The following HSPG2 variants were observed in gnomAD, a reference collection of about 807,000 sequenced individuals.
HSPG2 encodes basement membrane-specific heparan sulfate proteoglycan core protein.
HSPG2 carries 278 observed loss-of-function variants against 526.6 expected under a neutral mutation model. That is an observed-to-expected ratio of 0.53 (90% CI 0.48 to 0.58). The LOEUF (loss-of-function observed/expected upper bound fraction) is 0.58, where lower values mean the gene tolerates loss of function less well. Among genes scored for constraint, HSPG2 ranks in the 20% least tolerant of loss-of-function variants. The pLI is 0.00. For missense variants in HSPG2, 5,354 were observed against 6,099.5 expected (o/e 0.88, Z 4.07); for synonymous variants, 2,465 against 2,555.4 (o/e 0.96, Z 1.07).
In HSPG2 at chr1:21,859,528, G is replaced by C; in HGVS notation, c.5293+38C>G. On this transcript the variant is annotated intron_variant, in intron 42 of 96. Transcript: ENST00000374695. The surrounding 1 kb of genome is among the most constrained non-coding windows in gnomAD (Gnocchi z 5.3). ...ATCTGCAGCCTGCAGCCCAGCCCAG[G>C]ACAGGCAGTCTTGGTTACAGGGGGC... 1 of 1,471,024 alleles carries C rather than the reference G, an allele frequency of 6.8e-7. No homozygotes were observed. The highest frequency in any genetic ancestry group is 9.3e-7 in the Non-Finnish European group (1 of 1,071,408). 91.1% of individuals were successfully genotyped at this position (1,471,024 alleles called of 1,614,324 possible). A position where few individuals can be genotyped will look rare whatever the true frequency, so the allele number is the denominator to read the frequency against.
Position 21,902,294 on chromosome 1 carries a change from A to G in HSPG2, c.64-5984T>C, listed in dbSNP as rs562459195. 3.9e-5 allele frequency among the ~76,000 whole-genome samples: 6 copies of G among 152,258 alleles called. No individual in the cohort carries two copies. The East Asian group carries it at 1.2e-3, about 29-fold the overall frequency. The stretch of plus-strand genomic sequence containing the variant: ...CTCGGGAGGCCTGCCAGCTTCTCAC[A>G]CAGGGGCCCCCAAGGTGGCAGGAAC... On this transcript the variant is annotated intron_variant, in intron 1 of 96. Coordinates refer to ENST00000374695, the MANE Select transcript of HSPG2 (RefSeq NM_005529.7).
intron 1 of HSPG2, among the ~76,000 whole-genome samples, chr1:21,931,640 C>G (rs1035328870): frequency 1.3e-5 from 2 of 152,172 alleles, no homozygotes; most frequent in African/African-American, 4.8e-5. Flanking sequence ...GGGCTGGGAA[C>G]CCTTCCCATA....
chr1:21,907,092 G>A (rs1304568658), intron 1 of HSPG2, among the ~76,000 whole-genome samples: 2 of 152,124 alleles, frequency 1.3e-5, no homozygotes, highest in Admixed American at 6.5e-5. Context: ...TTCCCTCCCT[G>A]GCCATCAGTC....
chr1:21,884,200 G>T (rs978754765), intron 13 of HSPG2, among the ~76,000 whole-genome samples: 2 of 152,152 alleles, frequency 1.3e-5, no homozygotes, highest in African/African-American at 2.4e-5. Flanking sequence ...CGACTTTACA[G>T]ATGACGAAAC....
In HSPG2 at chr1:21,878,852, C is replaced by T. The variant is rs1572338240; in HGVS notation, c.2471+142G>A. The T allele has an allele frequency of 1.2e-5, 15 of 1,251,780 alleles. No individual in the cohort carries two copies. The East Asian group carries it at 3.5e-4, about 30-fold the overall frequency. The allele number at this position is 1,251,780 out of a possible 1,614,324, so 77.5% of individuals were successfully genotyped here. ...ATTATACAGAAAAGGAAACAGAGGCCTAGAGAGGTCCAGGAGCATGGGATA... is the reference window on the plus strand; with the variant it reads ...ATTATACAGAAAAGGAAACAGAGGCTTAGAGAGGTCCAGGAGCATGGGATA... On this transcript the variant is annotated intron_variant, in intron 18 of 96. Transcript: ENST00000374695.
intron 1 of HSPG2, among the ~76,000 whole-genome samples, chr1:21,923,041 ATT>A (rs71698642): frequency 0.56 from 84,971 of 151,782 alleles, 24,308 homozygotes; most frequent in Middle Eastern, 0.69. Flanking sequence ...TGCGCCCTTC[ATT>A]TAACCCACTC....
intron 1 of HSPG2, among the ~76,000 whole-genome samples, chr1:21,920,087 A>G (rs971435370): frequency 2.0e-5 from 3 of 152,152 alleles, no homozygotes; most frequent in African/African-American, 7.2e-5. Flanking sequence ...TCATATTTTT[A>G]GCAGAGATGA....
rs1639560671 is a variant in HSPG2, at chr1:21,859,010, T to A, written c.5293+556A>T. On this transcript the variant is annotated intron_variant, in intron 42 of 96. Transcript: ENST00000374695. This position sits in a 1 kb window ranked among gnomAD's most constrained non-coding sequence, Gnocchi z 5.3. ...ACGCCCTCCCATCCCTGTCTCACTT[T>A]TCCCTGGACGACAGGGCAGGGTGAC... is the stretch of plus-strand genomic sequence containing the variant. Among the ~76,000 whole-genome samples the A allele has an allele frequency of 6.6e-6, 1 of 151,904 alleles. No individual in the cohort carries two copies. Among genetic ancestry groups the A allele is most frequent in the Non-Finnish European group, 1.5e-5 (1 of 67,914 alleles).
chr1:21,913,257 G>A (rs2152789866), intron 1 of HSPG2, among the ~76,000 whole-genome samples: 1 of 152,240 alleles, frequency 6.6e-6, no homozygotes, highest in East Asian at 1.9e-4. Context: ...GCTAATCAGG[G>A]CCAGAGCCCT....
rs576017127 is a variant in HSPG2 at position 21,887,518 on chromosome 1, G to C, written c.860C>G (p.Pro287Arg). Reference protein sequence around the residue: ...PGSVRPLPCGPQEAACRNGHC... With the variant: ...PGSVRPLPCGRQEAACRNGHC... ...CCCATTGCGGCATGCGGCCTCCTGG[G>C]GCCCACAGGGCAGGGGCCTGACGGA... The change falls in exon 8 of 97, where the codon CCC becomes CGC. Residue 287 changes from proline (P) to arginine (R), a missense_variant. Coordinates refer to ENST00000374695, the MANE Select transcript of HSPG2 (RefSeq NM_005529.7). This position sits in a 1 kb window ranked among gnomAD's most constrained non-coding sequence, Gnocchi z 5.0. 1 of 1,614,038 alleles carries C rather than the reference G, an allele frequency of 6.2e-7. No individual in the cohort carries two copies. The highest frequency in any genetic ancestry group is 1.1e-5 in the South Asian group (1 of 91,072).
rs762088109 is a variant in HSPG2 at position 21,865,762 on chromosome 1, T to C, written c.4269A>G (p.Ala1423=). Residue 1423 remains alanine, a synonymous_variant, in exon 34 of 97, where the codon GCA becomes GCG. Coordinates refer to ENST00000374695, the MANE Select transcript of HSPG2 (RefSeq NM_005529.7). The surrounding 1 kb of genome is among the most constrained non-coding windows in gnomAD (Gnocchi z 5.4). ...CAGAGAGTGGGCTGCCCTGTGGGCC[T>C]GCTGTGTAGGAGAGGGTGTATCGCA... ...GKLRYTLSYT[A]GPQGSPLSDP... is the part of the protein sequence containing the mutation. 1 of 1,613,912 alleles carries C rather than the reference T, an allele frequency of 6.2e-7. No individual in the cohort carries two copies. Among genetic ancestry groups the C allele is most frequent in the Admixed American group, 1.7e-5 (1 of 60,010 alleles).
chr1:21,867,334 C>T (rs1421076318), intron 33 of HSPG2, among the ~76,000 whole-genome samples: 1 of 152,076 alleles, frequency 6.6e-6, no homozygotes, highest in Non-Finnish European at 1.5e-5. Context: ...ATTTTTCAGC[C>T]TCAGTCTCCC....
At position 21,850,043 on chromosome 1, in the gene HSPG2, G is replaced by C. The variant is rs140049357; in HGVS notation, c.7444C>G (p.Gln2482Glu). 90 of 1,613,058 alleles carry C rather than the reference G, an allele frequency of 5.6e-5. No individual in the cohort carries two copies. In the African/African-American group the frequency reaches 1.0e-3, roughly 18 times the overall value. Residue 2482 changes from glutamine to glutamate, a missense_variant and splice_region_variant, in exon 57 of 97, where the codon CAG becomes GAG. By Grantham distance (29) the Gln-to-Glu change is conservative. Transcript: ENST00000374695. ...CTTCCTGAGCTCCTGCCTCCTACCT[G>C]GTGCCGGGCCGGGAGGCTGCCCCCG... ...KRGGSLPARH[Q>E]VHGSRLRLLQ... is the part of the protein sequence containing the mutation.
At chr1:21,908,393 C>G (rs1643493365) in intron 1 of HSPG2, 2 of 1,056,178 alleles carry the variant, frequency 1.9e-6, no homozygotes, top group Non-Finnish European at 2.9e-6. Context: ...ATTAAGCACT[C>G]TGAGAGCCGA....
intron 6 of HSPG2, chr1:21,888,675 C>T (rs910702858): frequency 9.5e-6 from 13 of 1,365,084 alleles, no homozygotes; most frequent in Non-Finnish European, 1.2e-5. Flanking sequence ...CACCTGGTGT[C>T]ACTGCGACCG....
Position 21,851,669 on chromosome 1 carries a change from G to C in HSPG2, c.7035C>G (p.Ile2345Met). 2 of 1,614,044 alleles carry C rather than the reference G, an allele frequency of 1.2e-6. No homozygotes were observed. ...YPAGSTQPIR[I>M]EPSSSQVAEG... Reference sequence around the variant, plus strand: ...CCGCCACTTGCGAGGAGGAGGGCTCGATGCGGATGGGCTGGGTGCTGCCGG... The same window carrying C: ...CCGCCACTTGCGAGGAGGAGGGCTCCATGCGGATGGGCTGGGTGCTGCCGG... Residue 2345 changes from isoleucine (I) to methionine (M), a missense_variant, in exon 55 of 97, where the codon ATC (isoleucine) becomes ATG (methionine). Transcript: ENST00000374695.
chr1:21,902,730 G>C (rs547254065), intron 1 of HSPG2, among the ~76,000 whole-genome samples: 2 of 152,334 alleles, frequency 1.3e-5, no homozygotes, highest in South Asian at 4.1e-4. Context: ...AGGGCTTCTC[G>C]GGAGCGCTGG....
chr1:21,863,948 C>T lies in HSPG2; in HGVS notation c.4740+152G>A, dbSNP rs77619492. 1.3e-3 allele frequency: 850 copies of T among 677,994 alleles called. 5 individuals carry two copies. The highest frequency in any genetic ancestry group is 9.4e-3 in the African/African-American group (537 of 56,842). The allele number at this position is 677,994 out of a possible 1,614,324, so 42.0% of individuals were successfully genotyped here. A position where few individuals can be genotyped will look rare whatever the true frequency, so the allele number is the denominator to read the frequency against. On this transcript the variant is annotated intron_variant, in intron 37 of 96. Coordinates refer to ENST00000374695, the MANE Select transcript of HSPG2 (RefSeq NM_005529.7). ...ATAGCTCTGGCCACCCCACCATCCCCGGTGACCTGGCCTGCTGACCCAGGT... is the reference window on the plus strand; with the variant it reads ...ATAGCTCTGGCCACCCCACCATCCCTGGTGACCTGGCCTGCTGACCCAGGT...
chr1:21,935,068 G>A (rs1016437366), intron 1 of HSPG2, among the ~76,000 whole-genome samples: 1 of 151,288 alleles, frequency 6.6e-6, no homozygotes. Context: ...CACCACACCC[G>A]TCTAATTTTT....
Sources: gnomAD v4.1 joint callset for allele counts (sites outside exome capture counted in the v4.1 genomes callset) on GRCh38, gnomAD v4.1.1 for gene constraint, Gnocchi (gnomAD v3.1) non-coding constraint, MANE v1.5 for transcripts, NCBI Gene and HGNC (gene_info 2026-07-23, HGNC 2026-07-21) for gene names.